The following TTC34 variants were observed in gnomAD, a reference collection of about 807,000 sequenced individuals.
TTC34 encodes the protein tetratricopeptide repeat protein 34.
In TTC34, 44 loss-of-function variants were observed where a neutral mutation model predicts 40.7. The observed-to-expected ratio is 1.08, with a 90% CI of 0.85 to 1.39. The LOEUF is 1.39. Among genes scored for constraint, TTC34 ranks in the 40% most tolerant of loss-of-function variants. The pLI is 0.00. For synonymous variants in TTC34, 422 were observed against 398.6 expected, an observed-to-expected ratio of 1.06 and a Z score of -0.70; for missense variants, 884 against 838.0, an observed-to-expected ratio of 1.05 and a Z score of -0.68.
chr1:2,675,088 C>G (rs1195587837), intron 6 of TTC34, among the ~76,000 whole-genome samples: 9 of 44,398 alleles, frequency 2.0e-4, no homozygotes, highest in African/African-American at 6.3e-4. Context: ...CACACCCAGG[C>G]GAGCATCTGA....
exon 3 of TTC34, chr1:2,789,648 C>T (rs1310188518): frequency 1.5e-6 from 2 of 1,341,970 alleles, no homozygotes; most frequent in Non-Finnish European, 1.9e-6. Context: ...TTCCAGGGCA[C>T]GTAGGCCTTG....
intron 6 of TTC34, among the ~76,000 whole-genome samples, chr1:2,761,264 G>T (rs1480294959): frequency 1.8e-5 from 1 of 55,498 alleles, no homozygotes; most frequent in Non-Finnish European, 3.0e-5. Context: ...GCATCCGACA[G>T]TCTGGGGCAG....
At position 2,789,528 on chromosome 1, in the gene TTC34, T is replaced by C. The variant is rs565252018; in HGVS notation, c.1603A>G (p.Thr535Ala). 28 of 1,501,580 alleles carry C rather than the reference T, an allele frequency of 1.9e-5. No individual in the cohort carries two copies. The African/African-American group carries it at 3.1e-4, about 17-fold the overall frequency. 93.0% of individuals were successfully genotyped at this position (1,501,580 alleles called of 1,614,324 possible). ...CCCTCCTGCGTGGTGGGGCCGCCCG[T>C]CTCTGCGGCCTCCCTCCGGCCCTGC... The change falls in exon 3 of 9, where the codon ACG becomes GCG. Residue 535 changes from threonine (T) to alanine (A), a missense_variant. By Grantham distance (58) the Thr-to-Ala change is moderately conservative. Coordinates refer to ENST00000401095, the Ensembl canonical transcript of TTC34.
chr1:2,691,767 A>C (rs1456607556), intron 6 of TTC34, among the ~76,000 whole-genome samples: 4 of 61,756 alleles, frequency 6.5e-5, no homozygotes, highest in Non-Finnish European at 7.2e-5. Flanking sequence ...TCTGAACGCA[A>C]ATAGCAGCAC....
At chr1:2,778,113 G>T (rs915768029) in intron 6 of TTC34, among the ~76,000 whole-genome samples, 2 of 152,206 alleles carry the variant, frequency 1.3e-5, no homozygotes, top group Non-Finnish European at 2.9e-5. Flanking sequence ...GGGGAAACTT[G>T]GTGCCCTGGT....
At chr1:2,675,642 ACC>A (rs1639885381) in intron 6 of TTC34, among the ~76,000 whole-genome samples, 1 of 89,786 alleles carries the variant, frequency 1.1e-5, no homozygotes, top group East Asian at 3.0e-4. Flanking sequence ...AGCACCCCAC[ACC>A]CCCAGGTGAG....
rs541828509 is a variant in TTC34, at chr1:2,687,276, C to T, written c.2227-41713G>A. 1.8e-3 allele frequency among the ~76,000 whole-genome samples: 226 copies of T among 128,224 alleles called. 14 individuals carry two copies. Among genetic ancestry groups the T allele is most frequent in the African/African-American group, 7.7e-3 (217 of 28,224 alleles). The allele number at this position is 128,224 out of a possible 152,430, so 84.1% of individuals were successfully genotyped here. A position where few individuals can be genotyped will look rare whatever the true frequency, so the allele number is the denominator to read the frequency against. ...GTGCGCATCTGATGGTCTGGAGCAGCACCCACAACCACAGGTGAGCATCTG... is the reference window on the plus strand; with the variant it reads ...GTGCGCATCTGATGGTCTGGAGCAGTACCCACAACCACAGGTGAGCATCTG... On this transcript the variant is annotated intron_variant, in intron 6 of 8. Coordinates refer to ENST00000401095, the Ensembl canonical transcript of TTC34.
intron 6 of TTC34, among the ~76,000 whole-genome samples, chr1:2,685,537 C>T (rs1333665319): frequency 8.3e-6 from 1 of 120,514 alleles, no homozygotes; most frequent in African/African-American, 4.0e-5. Context: ...GAGCATCTGA[C>T]AACCTGGAGC....
At chr1:2,688,566 C>T (rs1450092418) in intron 6 of TTC34, among the ~76,000 whole-genome samples, 1 of 144,776 alleles carries the variant, frequency 6.9e-6, no homozygotes, top group Admixed American at 6.7e-5. Flanking sequence ...GAGCAGCACC[C>T]ACACCTTCCG....
chr1:2,651,937 C>A (rs1365309698), intron 6 of TTC34, among the ~76,000 whole-genome samples: 1 of 152,126 alleles, frequency 6.6e-6, no homozygotes, highest in Non-Finnish European at 1.5e-5. Flanking sequence ...AGGGGAGCAT[C>A]TGACAGCCTG....
intron 6 of TTC34, among the ~76,000 whole-genome samples, chr1:2,651,649 G>A (rs1639137523): frequency 6.6e-6 from 1 of 151,062 alleles, no homozygotes; most frequent in Admixed American, 6.6e-5. Flanking sequence ...TACCAGGAGG[G>A]CATCTGACAG....
chr1:2,647,832 C>T (rs1288405754), intron 6 of TTC34, among the ~76,000 whole-genome samples: 2 of 152,068 alleles, frequency 1.3e-5, no homozygotes, highest in East Asian at 1.9e-4. Flanking sequence ...TTTGTTTTCC[C>T]TGCTTTTCCT....
chr1:2,683,395 C>A (rs1218414708), intron 6 of TTC34, among the ~76,000 whole-genome samples: 2 of 148,086 alleles, frequency 1.4e-5, no homozygotes, highest in Admixed American at 6.7e-5. Flanking sequence ...CCCACACGCC[C>A]AGGTGAGCAT....
chr1:2,776,129 G>A (rs1433718397), intron 6 of TTC34: 2 of 137,828 alleles, frequency 1.5e-5, no homozygotes, highest in East Asian at 2.1e-4. Context: ...CCCGCCCTCA[G>A]GTGAGTGTCT....
chr1:2,676,990 C>CTGAT (rs1639928785), intron 6 of TTC34, among the ~76,000 whole-genome samples: 1 of 116,406 alleles, frequency 8.6e-6, no homozygotes. Flanking sequence ...CATCCGACAG[C>CTGAT]CTGGAGCAGC....
intron 6 of TTC34, among the ~76,000 whole-genome samples, chr1:2,693,602 G>A (rs373928874): frequency 2.5e-4 from 7 of 27,704 alleles, no homozygotes; most frequent in African/African-American, 1.1e-3. Flanking sequence ...GGTGAACATC[G>A]GAGAGTCTGG....
At chr1:2,788,398 TTG>T (rs987158458) in intron 3 of TTC34, among the ~76,000 whole-genome samples, 179 of 151,802 alleles carry the variant, frequency 1.2e-3, no homozygotes, top group African/African-American at 4.2e-3. Flanking sequence ...GTCTGGTGTG[TTG>T]TGTGTGTGTT....
intron 6 of TTC34, among the ~76,000 whole-genome samples, chr1:2,762,033 C>G (rs1641696122): frequency 3.9e-5 from 2 of 51,726 alleles, no homozygotes; most frequent in Non-Finnish European, 6.3e-5. Flanking sequence ...ATGTGACAGC[C>G]TGGAGCAGCG....
At chr1:2,772,963 G>A (rs1364721302) in intron 6 of TTC34, among the ~76,000 whole-genome samples, 1 of 126,976 alleles carries the variant, frequency 7.9e-6, no homozygotes, top group Non-Finnish European at 1.6e-5. Flanking sequence ...TGACAGCCTG[G>A]AGCAGCATGC....
Sources: gnomAD v4.1 joint callset for allele counts (sites outside exome capture counted in the v4.1 genomes callset) on GRCh38, gnomAD v4.1.1 for gene constraint, MANE v1.5 for transcripts, NCBI Gene and HGNC (gene_info 2026-07-23, HGNC 2026-07-21) for gene names.